The following FAM135A variants were observed in gnomAD, a reference collection of about 807,000 sequenced individuals.
The protein encoded by FAM135A is family with sequence similarity 135 member A.
A neutral mutation model predicts 146.8 loss-of-function variants in FAM135A; 79 were observed. That is an observed-to-expected ratio of 0.54 (90% CI 0.45 to 0.65). The LOEUF is 0.65. Ranked by LOEUF, FAM135A falls within the 30% of genes least tolerant of loss-of-function variation. The pLI, the probability that FAM135A is intolerant of heterozygous loss-of-function variation, is 0.00. For missense variants in FAM135A, 1,623 were observed against 1,758.2 expected (o/e 0.92, Z 1.38); for synonymous variants, 562 against 603.6 (o/e 0.93, Z 1.01).
chr6:70,456,408 A>G (rs1408747997), intron 5 of FAM135A, among the ~76,000 whole-genome samples: 3 of 152,186 alleles, frequency 2.0e-5, no homozygotes, highest in South Asian at 2.1e-4. Context: ...ATTTCTCTGT[A>G]TCATACAGAG....
intron 4 of FAM135A, among the ~76,000 whole-genome samples, chr6:70,445,151 A>T (rs1775408835): frequency 6.6e-6 from 1 of 152,184 alleles, no homozygotes; most frequent in Non-Finnish European, 1.5e-5. Context: ...GGGTGGTAAA[A>T]CTACAGCCTT....
At chr6:70,463,737 A>G (rs370004593) in intron 5 of FAM135A, among the ~76,000 whole-genome samples, 17 of 152,216 alleles carry the variant, frequency 1.1e-4, no homozygotes, top group African/African-American at 4.1e-4. Context: ...CTTTACTGTT[A>G]TCAGTAATTG....
chr6:70,446,739 GT>G (rs1775840970), intron 4 of FAM135A, among the ~76,000 whole-genome samples: 2 of 152,150 alleles, frequency 1.3e-5, no homozygotes, highest in African/African-American at 4.8e-5. Context: ...GTCAGCCCTT[GT>G]TGAAGGAATA....
At chr6:70,541,906 A>T (rs1160715396) in intron 20 of FAM135A, among the ~76,000 whole-genome samples, 2 of 152,172 alleles carry the variant, frequency 1.3e-5, no homozygotes, top group African/African-American at 4.8e-5. Context: ...CAGAATTGCC[A>T]AGTTTTAAAA....
chr6:70,489,120 A>AT, intron 10 of FAM135A, among the ~76,000 whole-genome samples: 1 of 152,158 alleles, frequency 6.6e-6, no homozygotes, highest in East Asian at 1.9e-4. Context: ...TTATTTTCTA[A>AT]TTTTTAAAAA....
chr6:70,556,496 A>G (rs1800864616), intron 20 of FAM135A, among the ~76,000 whole-genome samples: 1 of 152,166 alleles, frequency 6.6e-6, no homozygotes, highest in Non-Finnish European at 1.5e-5. Context: ...GCCTATCTCC[A>G]CACCACTGAG....
At chr6:70,555,082 A>T (rs1304536451) in intron 20 of FAM135A, among the ~76,000 whole-genome samples, 1 of 152,214 alleles carries the variant, frequency 6.6e-6, no homozygotes, top group East Asian at 1.9e-4. Flanking sequence ...TTTTGTCAGA[A>T]AAAGTTAGAC....
Position 70,540,318 on chromosome 6 carries a change from C to CTTTTTTTT in FAM135A, c.4228+1934_4228+1941dup, listed in dbSNP as rs1190614826. On this transcript the variant is annotated intron_variant, in intron 20 of 21. Coordinates refer to ENST00000418814, the MANE Select transcript of FAM135A (RefSeq NM_001162529.3). ...TTAGACTCATTTATGATTCCTGCTA[C>CTTTTTTTT]TTTTTTTTTTTTTTTTTTTTTTTTG... is the stretch of plus-strand genomic sequence containing the variant. 6.3e-4 allele frequency among the ~76,000 whole-genome samples: 51 copies of CTTTTTTTT among 81,546 alleles called. 2 individuals carry two copies. Among genetic ancestry groups the CTTTTTTTT allele is most frequent in the African/African-American group, 2.4e-3 (45 of 18,836 alleles). The allele number at this position is 81,546 out of a possible 152,430, so 53.5% of individuals were successfully genotyped here.
chr6:70,470,033 G>A (rs1781296631), intron 5 of FAM135A, among the ~76,000 whole-genome samples: 1 of 151,956 alleles, frequency 6.6e-6, no homozygotes, highest in Admixed American at 6.6e-5. Context: ...GAACAAGAAT[G>A]AGAGAATGCA....
chr6:70,434,149 C>A (rs1562409411), intron 4 of FAM135A, among the ~76,000 whole-genome samples: 1 of 151,958 alleles, frequency 6.6e-6, no homozygotes, highest in Non-Finnish European at 1.5e-5. Flanking sequence ...AATAGACTTC[C>A]CAATGACTTC....
At chr6:70,438,779 G>A (rs796215413) in intron 4 of FAM135A, among the ~76,000 whole-genome samples, 7 of 152,156 alleles carry the variant, frequency 4.6e-5, no homozygotes, top group African/African-American at 1.7e-4. Context: ...GTGACGTTGT[G>A]AAGAAGGAAA....
Position 70,477,275 on chromosome 6 carries a change from C to G in FAM135A, c.485C>G (p.Ser162Cys). 4 of 1,613,520 alleles carry G rather than the reference C, an allele frequency of 2.5e-6. No homozygotes were observed. The highest frequency in any genetic ancestry group is 3.4e-6 in the Non-Finnish European group (4 of 1,179,670). The change falls in exon 8 of 22, where the codon TCT (serine) becomes TGT (cysteine). Residue 162 changes from serine (S) to cysteine (C), a missense_variant. Coordinates refer to ENST00000418814, the MANE Select transcript of FAM135A (RefSeq NM_001162529.3). Reference protein sequence around the residue: ...VNVMFDYFHLSVVSVTVHASL... With the variant: ...VNVMFDYFHLCVVSVTVHASL... ...GTTATGTTTGATTACTTCCACCTTT[C>G]TGTTGTGTCTGTTACAGTTCATGCA... is the stretch of plus-strand genomic sequence containing the variant.
In FAM135A at chr6:70,526,693, A is replaced by G. The variant is rs1337249704; in HGVS notation, c.3609A>G (p.Ile1203Met). 1.9e-6 allele frequency: 3 copies of G among 1,599,660 alleles called. No individual in the cohort carries two copies. The highest frequency in any genetic ancestry group is 1.7e-5 in the Admixed American group (1 of 58,472). ...ATGAAAGTTCACCAAAACCTCAAAT[A>G]CAAGCGTAAGTAATGGAACGTAATA... ...SWYESSPKPQ[I>M]QAFLQAKEEL... The change falls in exon 15 of 22, where the codon ATA (isoleucine) becomes ATG (methionine). Residue 1203 changes from isoleucine to methionine, a missense_variant. Physicochemically the swap from Ile to Met is conservative, Grantham distance 10 (BLOSUM62 1). Transcript: ENST00000418814.
chr6:70,462,655 T>C (rs1779648758), intron 5 of FAM135A, among the ~76,000 whole-genome samples: 1 of 152,206 alleles, frequency 6.6e-6, no homozygotes, highest in African/African-American at 2.4e-5. Context: ...CTATTGGTAT[T>C]TGACCAGGTT....
At chr6:70,495,320 C>T (rs1786973943) in intron 11 of FAM135A, among the ~76,000 whole-genome samples, 1 of 152,142 alleles carries the variant, frequency 6.6e-6, no homozygotes, top group African/African-American at 2.4e-5. Context: ...TATCTGAAGA[C>T]TGTACTTCTC....
At chr6:70,444,010 G>A (rs891519577) in intron 4 of FAM135A, among the ~76,000 whole-genome samples, 1 of 152,108 alleles carries the variant, frequency 6.6e-6, no homozygotes, top group Non-Finnish European at 1.5e-5. Flanking sequence ...GAATAACCTA[G>A]CCCACCACAA....
chr6:70,539,386 A>C (rs1797421110), intron 20 of FAM135A, among the ~76,000 whole-genome samples: 1 of 152,218 alleles, frequency 6.6e-6, no homozygotes, highest in Admixed American at 6.5e-5. Flanking sequence ...CCATTGTAGT[A>C]TGAAAACAAC....
rs764573694 is a variant in FAM135A at position 70,559,707 on chromosome 6, G to T, written c.4343-9G>T. The stretch of plus-strand genomic sequence containing the variant: ...GAACTAATTTTCCTTTTTTCTGTTG[G>T]TTCCATAGGACAGATCTATTCAGAA... On this transcript the variant is annotated splice_polypyrimidine_tract_variant and intron_variant, in intron 21 of 21. Transcript: ENST00000418814. 11 of 1,583,780 alleles carry T rather than the reference G, an allele frequency of 6.9e-6. No individual in the cohort carries two copies. The highest frequency in any genetic ancestry group is 3.5e-5 in the Admixed American group (2 of 56,832).
intron 12 of FAM135A, among the ~76,000 whole-genome samples, chr6:70,505,359 A>G (rs963618298): frequency 2.0e-5 from 3 of 152,142 alleles, no homozygotes; most frequent in Admixed American, 6.5e-5. Flanking sequence ...GAACACATTG[A>G]ATTCAGTTTT....
Sources: gnomAD v4.1 joint callset for allele counts (sites outside exome capture counted in the v4.1 genomes callset) on GRCh38, gnomAD v4.1.1 for gene constraint, MANE v1.5 for transcripts, NCBI Gene and HGNC (gene_info 2026-07-23, HGNC 2026-07-21) for gene names.